Variants in GRID1 observed in about 807,000 individuals in gnomAD.
GRID1 encodes glutamate receptor ionotropic, delta-1.
GRID1 carries 28 observed loss-of-function variants against 98.0 expected under a neutral mutation model. The observed-to-expected ratio is 0.29, with a 90% CI of 0.21 to 0.39. The LOEUF is 0.39. Ranked by LOEUF, GRID1 falls within the 10% of genes least tolerant of loss-of-function variation. The pLI is 1.00. For synonymous variants in GRID1, 553 were observed against 538.5 expected (o/e 1.03, Z -0.37); for missense variants, 1,111 against 1,340.5 (o/e 0.83, Z 2.67).
At position 86,283,758 on chromosome 10, in the gene GRID1, G is replaced by T. The variant is rs558441748; in HGVS notation, c.236-77110C>A. Among the ~76,000 whole-genome samples, 315 of 125,856 alleles carry T rather than the reference G, an allele frequency of 2.5e-3. 2 individuals carry two copies. Among genetic ancestry groups the T allele is most frequent in the African/African-American group, 9.2e-3 (294 of 32,072 alleles). 82.6% of individuals were successfully genotyped at this position (125,856 alleles called of 152,430 possible). ...ATACACACACCTCCATATACACACTGCCCTTGCACACACACCTGCATACAC... is the reference window on the plus strand; with the variant it reads ...ATACACACACCTCCATATACACACTTCCCTTGCACACACACCTGCATACAC... On this transcript the variant is annotated intron_variant, in intron 2 of 15. Transcript: ENST00000327946.
Position 85,729,593 on chromosome 10 carries a change from T to G in GRID1, c.1255A>C (p.Lys419Gln), listed in dbSNP as rs766503374. 1 of 1,612,282 alleles carries G rather than the reference T, an allele frequency of 6.2e-7. No individual in the cohort carries two copies. Among genetic ancestry groups the G allele is most frequent in the East Asian group, 2.2e-5 (1 of 44,846 alleles). ...TCTTGCAAGCTGCCATTCAAGCCCT[T>G]CTCTGAGTCCCATGTCGCCAACTGT... The part of the protein sequence containing the change: ...MRKLATWDSE[K>Q]GLNGSLQERP... Residue 419 changes from lysine (K) to glutamine (Q), a missense_variant, in exon 9 of 16, where the codon AAG becomes CAG. Lys to Gln is a moderately conservative substitution (Grantham distance 53). Transcript: ENST00000327946.
chr10:86,341,391 G>C (rs1848307925), intron 2 of GRID1, among the ~76,000 whole-genome samples: 1 of 152,108 alleles, frequency 6.6e-6, no homozygotes, highest in Non-Finnish European at 1.5e-5. Flanking sequence ...GTGGGACCCT[G>C]GGTACTTACG....
chr10:85,836,850 G>A (rs577367119), intron 8 of GRID1, among the ~76,000 whole-genome samples: 11 of 142,488 alleles, frequency 7.7e-5, no homozygotes, highest in Non-Finnish European at 1.5e-4. Context: ...ATAAGGCAGC[G>A]TCAGGTGCCC....
At chr10:86,231,780 A>G (rs1005448229) in intron 2 of GRID1, among the ~76,000 whole-genome samples, 1 of 152,164 alleles carries the variant, frequency 6.6e-6, no homozygotes, top group Non-Finnish European at 1.5e-5. Context: ...CTCCTATTGT[A>G]TTTGGAGACG....
intron 6 of GRID1, among the ~76,000 whole-genome samples, chr10:85,863,747 G>T (rs1041020956): frequency 6.6e-6 from 1 of 152,214 alleles, no homozygotes; most frequent in South Asian, 2.1e-4. Context: ...TGTGCCTGCC[G>T]GGTGGCCAGG....
At chr10:86,269,515 TAGG>T (rs1847153733) in intron 2 of GRID1, among the ~76,000 whole-genome samples, 1 of 152,216 alleles carries the variant, frequency 6.6e-6, no homozygotes, top group African/African-American at 2.4e-5. Flanking sequence ...CCCTGCTAAT[TAGG>T]AGTTCTCTTG....
At chr10:85,696,188 T>C (rs1014142352) in intron 12 of GRID1, among the ~76,000 whole-genome samples, 1 of 152,138 alleles carries the variant, frequency 6.6e-6, no homozygotes, top group Non-Finnish European at 1.5e-5. Flanking sequence ...AGTCCTTAGA[T>C]CCATGGATTT....
At chr10:86,031,803 A>C (rs563363720) in intron 4 of GRID1, among the ~76,000 whole-genome samples, 1 of 152,200 alleles carries the variant, frequency 6.6e-6, no homozygotes, top group African/African-American at 2.4e-5. Flanking sequence ...ATTTCTTTAC[A>C]AAGTCCCACA....
chr10:86,335,066 A>G (rs1453183506), intron 2 of GRID1, among the ~76,000 whole-genome samples: 2 of 152,240 alleles, frequency 1.3e-5, no homozygotes, highest in Non-Finnish European at 2.9e-5. Context: ...ATTTTGGCAG[A>G]GCATAGGGGA....
At chr10:85,623,547 G>A (rs1262599598) in intron 13 of GRID1, among the ~76,000 whole-genome samples, 1 of 152,120 alleles carries the variant, frequency 6.6e-6, no homozygotes. Context: ...GGGCTGGGGG[G>A]AGGACACCAA....
At chr10:85,709,027 GC>G in intron 12 of GRID1, 1 of 295,720 alleles carries the variant, frequency 3.4e-6, no homozygotes, top group Non-Finnish European at 6.9e-6. Flanking sequence ...AAACTGCAAA[GC>G]TAAAATTGAA....
At chr10:85,644,860 TG>T (rs1446938494) in intron 13 of GRID1, among the ~76,000 whole-genome samples, 5 of 152,226 alleles carry the variant, frequency 3.3e-5, no homozygotes, top group African/African-American at 1.2e-4. Context: ...TGGTGTAAAA[TG>T]ATATAATCTT....
intron 8 of GRID1, among the ~76,000 whole-genome samples, chr10:85,730,229 C>T (rs560973765): frequency 6.6e-6 from 1 of 152,334 alleles, no homozygotes; most frequent in Admixed American, 6.5e-5. Context: ...CTTAAGCCTG[C>T]AGAGTATATC....
chr10:85,983,529 C>T (rs1842571220), intron 4 of GRID1, among the ~76,000 whole-genome samples: 2 of 152,206 alleles, frequency 1.3e-5, no homozygotes, highest in African/African-American at 2.4e-5. Flanking sequence ...ATGATTATCA[C>T]ATCTTAAAGA....
At chr10:85,732,255 T>C (rs1217509879) in intron 8 of GRID1, among the ~76,000 whole-genome samples, 7 of 152,192 alleles carry the variant, frequency 4.6e-5, no homozygotes. Flanking sequence ...GAGGTCTTCT[T>C]GACCATCCCA....
intron 9 of GRID1, 133 bp from the exon 10 acceptor site, chr10:85,728,185 C>G: frequency 1.4e-6 from 1 of 703,136 alleles, no homozygotes; most frequent in Non-Finnish European, 2.5e-6. Context: ...GGCTCAACTT[C>G]TCTGCCTTTT....
At chr10:86,291,811 A>T (rs1847517073) in intron 2 of GRID1, among the ~76,000 whole-genome samples, 1 of 152,202 alleles carries the variant, frequency 6.6e-6, no homozygotes, top group South Asian at 2.1e-4. Context: ...CCCATGACAC[A>T]CGGACACAGC....
At chr10:85,634,294 C>CTCTCTCTT (rs1564684024) in intron 13 of GRID1, among the ~76,000 whole-genome samples, 1 of 116,816 alleles carries the variant, frequency 8.6e-6, no homozygotes, top group African/African-American at 3.7e-5. Context: ...CTCTCTCTCA[C>CTCTCTCTT]ACACACACAC....
chr10:85,912,130 G>A (rs777336422), intron 5 of GRID1, among the ~76,000 whole-genome samples: 3 of 152,240 alleles, frequency 2.0e-5, no homozygotes, highest in Non-Finnish European at 2.9e-5. Context: ...AGGATTCAGT[G>A]ATGAGCTGAA....
Sources: allele counts gnomAD v4.1 joint callset (sites outside exome capture counted in the v4.1 genomes callset), GRCh38; gene constraint gnomAD v4.1.1; transcripts MANE v1.5; gene names NCBI Gene and HGNC (gene_info 2026-07-23, HGNC 2026-07-21).